SFMBT1: variants seen among roughly 807,000 people sequenced by gnomAD.
The protein encoded by SFMBT1 is Scm like with four mbt domains 1.
SFMBT1 carries 32 observed loss-of-function variants against 108.7 expected under a neutral mutation model. The observed-to-expected ratio is 0.29, with a 90% CI of 0.22 to 0.40. The LOEUF is 0.40. Ranked by LOEUF, SFMBT1 falls within the 10% of genes least tolerant of loss-of-function variation. The pLI, the probability that SFMBT1 is intolerant of heterozygous loss-of-function variation, is 1.00. For synonymous variants in SFMBT1, 348 were observed against 369.5 expected (o/e 0.94, Z 0.67); for missense variants, 816 against 1,059.6 (o/e 0.77, Z 3.19).
chr3:52,954,389 C>T lies in SFMBT1; in HGVS notation c.51G>A (p.Glu17=). Residue 17 remains glutamate (E), a synonymous_variant, in exon 3 of 21, where the codon GAG becomes GAA. Coordinates refer to ENST00000394752, the MANE Select transcript of SFMBT1 (RefSeq NM_016329.4). ...GATAATCTTCCCAGCTTAATTCTAC[C>T]TCTTCCATACCAGAGCCGGCATCTA... The part of the protein sequence containing the change: ...LDADAGSGME[E]VELSWEDYLE... 1 of 1,613,720 alleles carries T rather than the reference C, an allele frequency of 6.2e-7. No individual in the cohort carries two copies. Among genetic ancestry groups the T allele is most frequent in the Non-Finnish European group, 8.5e-7 (1 of 1,179,862 alleles).
intron 1 of SFMBT1, among the ~76,000 whole-genome samples, chr3:53,026,415 G>C (rs1460340078): frequency 6.6e-6 from 1 of 152,092 alleles, no homozygotes; most frequent in African/African-American, 2.4e-5. Flanking sequence ...CATAAGTCAA[G>C]ACAGCAAACG....
intron 1 of SFMBT1, among the ~76,000 whole-genome samples, chr3:53,004,090 TA>T (rs923554029): frequency 4.0e-5 from 6 of 150,142 alleles, no homozygotes; most frequent in African/African-American, 1.4e-4. Context: ...CATCAAGTAT[TA>T]GATCATATTC....
At chr3:52,949,763 G>C (rs1376041928) in intron 3 of SFMBT1, among the ~76,000 whole-genome samples, 1 of 151,514 alleles carries the variant, frequency 6.6e-6, no homozygotes, top group South Asian at 2.1e-4. Context: ...ATTTTTAGTA[G>C]AAACAGGGTT....
In SFMBT1 at chr3:52,941,137, T is replaced by C. The variant is rs150674527; in HGVS notation, c.364+2216A>G. On this transcript the variant is annotated intron_variant, in intron 4 of 20. Transcript: ENST00000394752. ...AAGAAATACAGCATAATGAACATTA[T>C]TGGGACCAGGATAGAATGAACATTG... is the stretch of plus-strand genomic sequence containing the variant. Among the ~76,000 whole-genome samples the C allele has an allele frequency of 1.0e-2, 1,521 of 152,296 alleles. 23 individuals are homozygous for C. Among genetic ancestry groups the C allele is most frequent in the African/African-American group, 0.034 (1,423 of 41,550 alleles).
intron 3 of SFMBT1, 55 bp from the exon 4 acceptor site, chr3:52,943,648 T>G (rs1414196096): frequency 6.2e-7 from 1 of 1,609,114 alleles, no homozygotes; most frequent in African/African-American, 1.3e-5. Context: ...GAGTATTTCT[T>G]TGACCAATGT....
intron 2 of SFMBT1, among the ~76,000 whole-genome samples, chr3:52,965,901 G>C (rs1704118914): frequency 6.7e-6 from 1 of 149,004 alleles, no homozygotes; most frequent in Non-Finnish European, 1.5e-5. Flanking sequence ...AGCTACTCGG[G>C]AGGCTGAGGC....
chr3:52,960,625 A>ATCTG (rs1183013198), intron 2 of SFMBT1, among the ~76,000 whole-genome samples: 7 of 152,044 alleles, frequency 4.6e-5, no homozygotes, highest in African/African-American at 1.7e-4. Context: ...TGATCTATCT[A>ATCTG]TCTATCTATC....
At chr3:52,995,592 G>A (rs1025499383) in intron 1 of SFMBT1, among the ~76,000 whole-genome samples, 3 of 149,664 alleles carry the variant, frequency 2.0e-5, no homozygotes, top group Non-Finnish European at 4.5e-5. Flanking sequence ...TGGTCGAAGT[G>A]GTCTCACTAT....
chr3:52,956,771 T>TAAATA (rs1210527977), intron 2 of SFMBT1, among the ~76,000 whole-genome samples: 2 of 151,818 alleles, frequency 1.3e-5, no homozygotes, highest in Non-Finnish European at 2.9e-5. Flanking sequence ...AAAAAATCAA[T>TAAATA]AAATAAAATA....
intron 1 of SFMBT1, among the ~76,000 whole-genome samples, chr3:53,031,795 G>A (rs76939118): frequency 0.045 from 6,928 of 152,282 alleles, 460 homozygotes; most frequent in South Asian, 0.18. Context: ...ATGCATTGGT[G>A]TATAGTTTAT....
intron 1 of SFMBT1, among the ~76,000 whole-genome samples, chr3:52,984,455 C>T (rs1213852206): frequency 1.7e-4 from 25 of 151,378 alleles, no homozygotes; most frequent in Admixed American, 1.6e-3. Context: ...TCTTACATTT[C>T]ACGTTCTCTA....
At chr3:52,909,409 C>A (rs1702163241) in intron 17 of SFMBT1, among the ~76,000 whole-genome samples, 2 of 152,140 alleles carry the variant, frequency 1.3e-5, no homozygotes, top group Admixed American at 1.3e-4. Flanking sequence ...AGTTTACAAT[C>A]CAATAAATAT....
chr3:52,962,170 A>G (rs1307319843), intron 2 of SFMBT1, among the ~76,000 whole-genome samples: 1 of 152,266 alleles, frequency 6.6e-6, no homozygotes, highest in Non-Finnish European at 1.5e-5. Flanking sequence ...CTGTGGAAGA[A>G]AACTTGGCAA....
At position 53,008,667 on chromosome 3, in the gene SFMBT1, G is replaced by A. The variant is rs376598147; in HGVS notation, c.-131+37149C>T. Among the ~76,000 whole-genome samples the A allele has an allele frequency of 2.7e-5, 4 of 145,532 alleles. No individual in the cohort carries two copies. The East Asian group carries it at 6.0e-4, about 22-fold the overall frequency. ...TTTTTTTGAGATAGAGTCTCGCTCT[G>A]TCACCCAGGCTGGAGTGCAGTGGCG... On this transcript the variant is annotated intron_variant, in intron 1 of 20. Transcript: ENST00000394752.
chr3:52,930,915 C>T lies in SFMBT1; in HGVS notation c.795+26G>A, dbSNP rs78856577. The T allele has an allele frequency of 2.8e-5, 45 of 1,592,234 alleles. No individual in the cohort carries two copies. The East Asian group carries it at 7.6e-4, about 27-fold the overall frequency. On this transcript the variant is annotated intron_variant, in intron 7 of 20. Transcript: ENST00000394752. Reference sequence around the variant, plus strand: ...TACTCTACTGTAAGGGGAGCAATACCGGTCTATCACATGTTTTGTTTTTAC... The same window carrying T: ...TACTCTACTGTAAGGGGAGCAATACTGGTCTATCACATGTTTTGTTTTTAC...
chr3:52,979,359 A>T (rs1043948598), intron 1 of SFMBT1, among the ~76,000 whole-genome samples: 1 of 152,234 alleles, frequency 6.6e-6, no homozygotes, highest in African/African-American at 2.4e-5. Context: ...TTTCCCACTC[A>T]GATGAAGTCC....
chr3:52,962,774 T>TACA (rs2106847209), intron 2 of SFMBT1, among the ~76,000 whole-genome samples: 1 of 118,456 alleles, frequency 8.4e-6, no homozygotes, highest in South Asian at 2.7e-4. Flanking sequence ...GCCACTGCAC[T>TACA]ACAGCCTGGG....
At chr3:53,010,296 G>A (rs947500170) in intron 1 of SFMBT1, among the ~76,000 whole-genome samples, 17 of 152,236 alleles carry the variant, frequency 1.1e-4, no homozygotes, top group African/African-American at 4.1e-4. Context: ...ACTGCAAGGA[G>A]TGCAAGGGGG....
At chr3:53,042,585 C>G (rs1236853255) in intron 1 of SFMBT1, among the ~76,000 whole-genome samples, 1 of 152,212 alleles carries the variant, frequency 6.6e-6, no homozygotes, top group African/African-American at 2.4e-5. Context: ...CTCAAGCGAT[C>G]CTCTTGCCTA....
Sources: allele counts gnomAD v4.1 joint callset (sites outside exome capture counted in the v4.1 genomes callset), GRCh38; gene constraint gnomAD v4.1.1; transcripts MANE v1.5; gene names NCBI Gene and HGNC (gene_info 2026-07-23, HGNC 2026-07-21).